PCDHGA2: variants seen among roughly 807,000 people sequenced by gnomAD.
PCDHGA2 encodes the protein protocadherin gamma subfamily A, 2.
In PCDHGA2, 40 loss-of-function variants were observed where a neutral mutation model predicts 59.2. That is an observed-to-expected ratio of 0.68 (90% confidence interval 0.52 to 0.88). The LOEUF (loss-of-function observed/expected upper bound fraction) is 0.88, where lower values mean the gene tolerates loss of function less well. PCDHGA2 is among the 40% of genes least tolerant of loss of function. The pLI is 0.00. For missense variants in PCDHGA2, 1,226 were observed against 1,204.0 expected (o/e 1.02, Z -0.27); for synonymous variants, 560 against 526.0 (o/e 1.06, Z -0.89).
chr5:141,344,105 C>A lies in PCDHGA2; in HGVS notation c.2424+2710C>A, dbSNP rs199763392. 1.5e-5 allele frequency: 24 copies of A among 1,613,716 alleles called. No homozygotes were observed. The African/African-American group carries it at 2.1e-4, about 14-fold the overall frequency. On this transcript the variant is annotated intron_variant, in intron 1 of 3. Coordinates refer to ENST00000394576, the MANE Select transcript of PCDHGA2 (RefSeq NM_018915.4). Reference sequence around the variant, plus strand: ...TGTGCGCGCTCCTGGGGACGCTGTGCGAAACAGGATCCGGTCAGATCCGCT... The same window carrying A: ...TGTGCGCGCTCCTGGGGACGCTGTGAGAAACAGGATCCGGTCAGATCCGCT...
At chr5:141,394,552 G>C (rs368792885) in intron 1 of PCDHGA2, 1 of 1,614,070 alleles carries the variant, frequency 6.2e-7, no homozygotes, top group Non-Finnish European at 8.5e-7. Flanking sequence ...CTGGCGCCCC[G>C]CTCCGCAGAG....
At chr5:141,464,227 T>C (rs539811399) in intron 1 of PCDHGA2, among the ~76,000 whole-genome samples, 58 of 147,282 alleles carry the variant, frequency 3.9e-4, no homozygotes, top group Admixed American at 2.5e-3. Flanking sequence ...ATTGCGCCAC[T>C]GCACTCCAGC....
chr5:141,492,023 C>A, intron 1 of PCDHGA2: 1 of 564,804 alleles, frequency 1.8e-6, no homozygotes, highest in Non-Finnish European at 3.0e-6. Context: ...TCGGGGGTCC[C>A]GGGAGGAGGC....
intron 1 of PCDHGA2, among the ~76,000 whole-genome samples, chr5:141,359,622 A>G (rs1307246669): frequency 6.6e-6 from 1 of 152,032 alleles, no homozygotes; most frequent in East Asian, 1.9e-4. Context: ...GGTATGTTGT[A>G]TGCTTACATT....
chr5:141,398,175 G>C, intron 1 of PCDHGA2: 1 of 1,475,074 alleles, frequency 6.8e-7, no homozygotes, highest in Non-Finnish European at 9.0e-7. Flanking sequence ...GGCTGCCAGT[G>C]CTCTTTCTCT....
chr5:141,412,154 A>G (rs528810323), intron 1 of PCDHGA2: 1 of 152,344 alleles, frequency 6.6e-6, no homozygotes, highest in Admixed American at 6.5e-5. Flanking sequence ...ACTGCCTAAG[A>G]GAAGAGATTA....
At position 141,465,539 on chromosome 5, in the gene PCDHGA2, T is replaced by C. The variant is rs2099105222; in HGVS notation, c.2425-29268T>C. On this transcript the variant is annotated intron_variant, in intron 1 of 3. Transcript: ENST00000394576. ...GATTCTGGGGAAGTTTTCCCAGGCA[T>C]TTTTTCTGCTGAAGCTTTGGTAACT... Among the ~76,000 whole-genome samples the C allele has an allele frequency of 2.0e-5, 3 of 152,178 alleles. No homozygotes were observed. In the South Asian group the frequency reaches 6.2e-4, roughly 32 times the overall value.
intron 1 of PCDHGA2, chr5:141,351,378 G>C (rs1476351537): frequency 6.2e-7 from 1 of 1,612,216 alleles, no homozygotes; most frequent in Admixed American, 1.7e-5. Context: ...AAGGATTCTG[G>C]GCAAAATGGC....
Position 141,491,307 on chromosome 5 carries a change from C to CCTTA in PCDHGA2, c.2425-3498_2425-3495dup. On this transcript the variant is annotated intron_variant, in intron 1 of 3. Transcript: ENST00000394576. The surrounding 1 kb of genome is among the most constrained non-coding windows in gnomAD (Gnocchi z 6.9). ...TCATACACCCTCCTGAGCGTTCAGA[C>CCTTA]CTTACCCTTTACCTCATTGTGGCTC... 1 of 1,614,152 alleles carries CCTTA rather than the reference C, an allele frequency of 6.2e-7. No individual in the cohort carries two copies. Among genetic ancestry groups the CCTTA allele is most frequent in the Non-Finnish European group, 8.5e-7 (1 of 1,179,986 alleles).
rs2094486958 is a variant in PCDHGA2, at chr5:141,404,117, A to C, written c.2424+62722A>C. 3 of 1,613,468 alleles carry C rather than the reference A, an allele frequency of 1.9e-6. No homozygotes were observed. Among genetic ancestry groups the C allele is most frequent in the Non-Finnish European group, 1.7e-6 (2 of 1,179,548 alleles). On this transcript the variant is annotated intron_variant, in intron 1 of 3. Coordinates refer to ENST00000394576, the MANE Select transcript of PCDHGA2 (RefSeq NM_018915.4). ...TCAAGTTGTCTGTTCTATCCAGGAG[A>C]ATCTATCTTTTACATTAGAAAATTC...
At chr5:141,350,349 A>G in intron 1 of PCDHGA2, 1 of 1,559,220 alleles carries the variant, frequency 6.4e-7, no homozygotes, top group Non-Finnish European at 8.7e-7. Flanking sequence ...ATCTCCCAGC[A>G]GATCCGATAC....
Position 141,354,128 on chromosome 5 carries a change from T to C in PCDHGA2, c.2424+12733T>C, listed in dbSNP as rs576789277. Among the ~76,000 whole-genome samples the C allele has an allele frequency of 6.2e-4, 95 of 152,250 alleles. 1 individual carries two copies. The highest frequency in any genetic ancestry group is 1.2e-3 in the Non-Finnish European group (85 of 68,032). ...TGAGAGCTAAAGTAAAGTTAGAAAT[T>C]GTAAAATAATACTGAATGTGTCATG... On this transcript the variant is annotated intron_variant, in intron 1 of 3. Coordinates refer to ENST00000394576, the MANE Select transcript of PCDHGA2 (RefSeq NM_018915.4).
chr5:141,494,773 G>C, intron 1 of PCDHGA2, 34 bp from the exon 2 acceptor site: 1 of 1,613,966 alleles, frequency 6.2e-7, no homozygotes, highest in Non-Finnish European at 8.5e-7. Context: ...CTTCTCACGG[G>C]TACTCAGCCC....
At chr5:141,403,172 C>T in intron 1 of PCDHGA2, 1 of 1,614,018 alleles carries the variant, frequency 6.2e-7, no homozygotes, top group Non-Finnish European at 8.5e-7. Context: ...TAGGACGCAG[C>T]TTTTCTCTCT....
At position 141,491,597 on chromosome 5, in the gene PCDHGA2, A is replaced by T. The variant is rs1389838814; in HGVS notation, c.2425-3210A>T. Reference sequence around the variant, plus strand: ...TTTTCACCGGCCTCGGACGGCAGTGACTTCACTTTTCTAAGACCCCTCAGC... The same window carrying T: ...TTTTCACCGGCCTCGGACGGCAGTGTCTTCACTTTTCTAAGACCCCTCAGC... On this transcript the variant is annotated intron_variant, in intron 1 of 3. Coordinates refer to ENST00000394576, the MANE Select transcript of PCDHGA2 (RefSeq NM_018915.4). This position sits in a 1 kb window ranked among gnomAD's most constrained non-coding sequence, Gnocchi z 6.9. 1.2e-6 allele frequency: 2 copies of T among 1,613,788 alleles called. No individual in the cohort carries two copies. The highest frequency in any genetic ancestry group is 1.7e-6 in the Non-Finnish European group (2 of 1,180,012).
chr5:141,497,540 CTTT>C (rs754207034), intron 2 of PCDHGA2, among the ~76,000 whole-genome samples: 11 of 134,886 alleles, frequency 8.2e-5, no homozygotes, highest in African/African-American at 1.9e-4. Context: ...TGCAACAAAC[CTTT>C]TTTTTTTTTT....
chr5:141,357,387 C>A, intron 1 of PCDHGA2: 1 of 1,614,218 alleles, frequency 6.2e-7, no homozygotes, highest in Non-Finnish European at 8.5e-7. Flanking sequence ...ACGCTGAAGG[C>A]AGCAGGTTGG....
At chr5:141,365,366 G>A (rs764735476) in intron 1 of PCDHGA2, 15 of 1,613,910 alleles carry the variant, frequency 9.3e-6, no homozygotes, top group Middle Eastern at 1.6e-4. Flanking sequence ...CAATGCCCCC[G>A]AAGTGATCCT....
At chr5:141,454,311 T>C (rs755771201) in intron 1 of PCDHGA2, among the ~76,000 whole-genome samples, 1 of 152,216 alleles carries the variant, frequency 6.6e-6, no homozygotes, top group Non-Finnish European at 1.5e-5. Context: ...TTTCAAAGCA[T>C]TGAAACCTCC....
Sources: allele counts gnomAD v4.1 joint callset (sites outside exome capture counted in the v4.1 genomes callset), GRCh38; gene constraint gnomAD v4.1.1; non-coding constraint Gnocchi (gnomAD v3.1); transcripts MANE v1.5; gene names NCBI Gene and HGNC (gene_info 2026-07-23, HGNC 2026-07-21).